The following ITGA6 variants were observed in gnomAD, a reference collection of about 807,000 sequenced individuals.
ITGA6 encodes the protein integrin alpha-6.
A neutral mutation model predicts 133.6 loss-of-function variants in ITGA6; 63 were observed. The ratio of observed to expected loss-of-function variants is 0.47; its 90% confidence interval spans 0.38 to 0.58. The LOEUF (loss-of-function observed/expected upper bound fraction) is 0.58. Among genes scored for constraint, ITGA6 ranks in the 20% least tolerant of loss-of-function variants. The pLI, the probability that ITGA6 is intolerant of heterozygous loss-of-function variation, is 0.00. For missense variants in ITGA6, 1,068 were observed against 1,309.4 expected, an observed-to-expected ratio of 0.82 and a Z score of 2.85; for synonymous variants, 434 against 482.0, an observed-to-expected ratio of 0.90 and a Z score of 1.30.
chr2:172,486,373 A>C (rs1402205069), intron 13 of ITGA6, among the ~76,000 whole-genome samples: 1 of 152,054 alleles, frequency 6.6e-6, no homozygotes, highest in African/African-American at 2.4e-5. Flanking sequence ...ACTTTTATGT[A>C]CTTTTATTAT....
At chr2:172,429,006 C>T (rs1373309838) in intron 1 of ITGA6, among the ~76,000 whole-genome samples, 1 of 152,184 alleles carries the variant, frequency 6.6e-6, no homozygotes, top group Non-Finnish European at 1.5e-5. Flanking sequence ...TTGAGTTGAA[C>T]TAAGGACCTT....
At chr2:172,501,743 A>G in intron 24 of ITGA6, 29 bp from the exon 25 acceptor site, 3 of 1,608,674 alleles carry the variant, frequency 1.9e-6, no homozygotes, top group East Asian at 2.2e-5. Flanking sequence ...AAAACTGTAA[A>G]ATTGACTAAA....
chr2:172,497,885 T>C, intron 23 of ITGA6, 90 bp from the exon 24 acceptor site: 5 of 1,428,898 alleles, frequency 3.5e-6, no homozygotes, highest in Non-Finnish European at 4.9e-6. Flanking sequence ...TTGTCCAAAA[T>C]ATATTCAAAA....
In ITGA6 at chr2:172,506,176, A is replaced by T. The variant is rs1351386710; in HGVS notation, c.*2108A>T. The T allele has an allele frequency of 6.6e-6, 1 of 152,618 alleles. No individual in the cohort carries two copies. Among genetic ancestry groups the T allele is most frequent in the Non-Finnish European group, 1.5e-5 (1 of 68,010 alleles). The allele number at this position is 152,618 out of a possible 1,614,324, so 9.5% of individuals were successfully genotyped here. On this transcript the variant is annotated 3_prime_UTR_variant, in exon 26 of 26. Coordinates refer to ENST00000684293, the MANE Select transcript of ITGA6 (RefSeq NM_000210.4). Reference sequence around the variant, plus strand: ...GGATATTTGTATAAAAGTGTGAAATAAATTTTTTATAAAAGTGTTCATTGT... The same window carrying T: ...GGATATTTGTATAAAAGTGTGAAATTAATTTTTTATAAAAGTGTTCATTGT...
In ITGA6 at chr2:172,506,184, T is replaced by C. The variant is rs1307446401; in HGVS notation, c.*2116T>C. On this transcript the variant is annotated 3_prime_UTR_variant, in exon 26 of 26. Coordinates refer to ENST00000684293, the MANE Select transcript of ITGA6 (RefSeq NM_000210.4). The stretch of plus-strand genomic sequence containing the variant: ...GTATAAAAGTGTGAAATAAATTTTT[T>C]ATAAAAGTGTTCATTGTTTCGTAAC... 6.6e-6 allele frequency: 1 copy of C among 152,646 alleles called. No individual in the cohort carries two copies. The highest frequency in any genetic ancestry group is 1.5e-5 in the Non-Finnish European group (1 of 68,036). 9.5% of individuals were successfully genotyped at this position (152,646 alleles called of 1,614,324 possible). A position where few individuals can be genotyped will look rare whatever the true frequency, so the allele number is the denominator to read the frequency against.
intron 1 of ITGA6, among the ~76,000 whole-genome samples, chr2:172,437,963 G>C (rs1684393091): frequency 6.6e-6 from 1 of 151,736 alleles, no homozygotes. Flanking sequence ...AGAAGCCACT[G>C]GTGACCTTGT....
At chr2:172,452,011 CT>C (rs1574338994) in intron 1 of ITGA6, among the ~76,000 whole-genome samples, 1 of 122,970 alleles carries the variant, frequency 8.1e-6, no homozygotes, top group African/African-American at 3.1e-5. Context: ...TTCATTTTTA[CT>C]TTGGTAATTT....
intron 9 of ITGA6, among the ~76,000 whole-genome samples, chr2:172,478,098 G>A (rs1686257767): frequency 6.6e-6 from 1 of 152,088 alleles, no homozygotes; most frequent in South Asian, 2.1e-4. Context: ...CTATATCTGT[G>A]GCAACTGTGC....
At chr2:172,434,960 G>T (rs1684254679) in intron 1 of ITGA6, among the ~76,000 whole-genome samples, 1 of 151,922 alleles carries the variant, frequency 6.6e-6, no homozygotes, top group Non-Finnish European at 1.5e-5. Flanking sequence ...GCTTTGCTCG[G>T]TGATATCAAT....
At chr2:172,489,688 A>G (rs1288181464) in intron 20 of ITGA6, 30 bp downstream of exon 20, 2 of 1,577,758 alleles carry the variant, frequency 1.3e-6, no homozygotes, top group Non-Finnish European at 1.7e-6. Flanking sequence ...TAATGTCTCC[A>G]TAAATGCAAA....
intron 5 of ITGA6, chr2:172,472,930 G>C (rs775490460): frequency 1.4e-5 from 18 of 1,328,294 alleles, no homozygotes; most frequent in Non-Finnish European, 1.8e-5. Context: ...TGTCTTGGTT[G>C]TGGTCATTAA....
chr2:172,493,299 T>C (rs1365793127), intron 23 of ITGA6, among the ~76,000 whole-genome samples: 1 of 152,044 alleles, frequency 6.6e-6, no homozygotes, highest in Non-Finnish European at 1.5e-5. Context: ...CTCCAGGACA[T>C]ATCAACAGGC....
intron 1 of ITGA6, among the ~76,000 whole-genome samples, chr2:172,456,317 C>T (rs892100861): frequency 6.6e-6 from 1 of 152,222 alleles, no homozygotes; most frequent in African/African-American, 2.4e-5. Context: ...ACCAAAATAA[C>T]TCACCTGTGC....
Position 172,501,807 on chromosome 2 carries a change from T to G in ITGA6, c.3150T>G (p.Tyr1050Ter). ...TCAAGAGAAATAAGAAAGATCATTA[T>G]GATGCCACATATCACAAGGCTGAGA... ...GFFKRNKKDHYDATYHKAEIH... is the reference protein window; with the variant it reads ...GFFKRNKKDH Residue 1050 changes from tyrosine (Y) to a stop codon, truncating the protein, a stop_gained, in exon 25 of 26, where the codon TAT (tyrosine) becomes TAG (stop). Transcript: ENST00000684293. LOFTEE classifies it high-confidence loss of function. 1 of 1,612,690 alleles carries G rather than the reference T, an allele frequency of 6.2e-7. No homozygotes were observed. Among genetic ancestry groups the G allele is most frequent in the Non-Finnish European group, 8.5e-7 (1 of 1,179,306 alleles).
intron 1 of ITGA6, chr2:172,465,097 A>C: frequency 4.4e-6 from 1 of 226,414 alleles, no homozygotes; most frequent in South Asian, 6.0e-5. Flanking sequence ...TCAGGAAGGC[A>C]CAGTGTTAGA....
chr2:172,435,706 AGCCTTGAC>A (rs1226357219), intron 1 of ITGA6, among the ~76,000 whole-genome samples: 1 of 140,012 alleles, frequency 7.1e-6, no homozygotes, highest in Admixed American at 7.9e-5. Context: ...AGCTCACTGC[AGCCTTGAC>A]CTCCTTGGGC....
chr2:172,447,622 T>G (rs1470664110), intron 1 of ITGA6, among the ~76,000 whole-genome samples: 1 of 152,246 alleles, frequency 6.6e-6, no homozygotes, highest in Non-Finnish European at 1.5e-5. Flanking sequence ...ATTTTTATGT[T>G]GTTGCTAATG....
In ITGA6 at chr2:172,490,421, CT is replaced by C. The variant is rs1198845596; in HGVS notation, c.2680-602del. Among the ~76,000 whole-genome samples, 22 of 152,284 alleles carry C rather than the reference CT, an allele frequency of 1.4e-4. No homozygotes were observed. In the East Asian group the frequency reaches 1.9e-3, roughly 13 times the overall value. ...ATGTTTATTTCTTTTATTTTAAATT[CT>C]AAGGTGACTGGGTATGATCAGTGAT... On this transcript the variant is annotated intron_variant, in intron 20 of 25. Transcript: ENST00000684293.
intron 1 of ITGA6, among the ~76,000 whole-genome samples, chr2:172,450,899 ATATT>A (rs1430233274): frequency 3.4e-5 from 5 of 147,096 alleles, no homozygotes; most frequent in South Asian, 2.1e-4. Context: ...ATACAAATAT[ATATT>A]TATATTATAT....
Sources: allele counts gnomAD v4.1 joint callset (sites outside exome capture counted in the v4.1 genomes callset), GRCh38; gene constraint gnomAD v4.1.1; transcripts MANE v1.5; gene names NCBI Gene and HGNC (gene_info 2026-07-23, HGNC 2026-07-21).